KDSR: variants seen among roughly 807,000 people sequenced by gnomAD.
KDSR encodes 3-ketodihydrosphingosine reductase, also known as 3-dehydrosphinganine reductase.
A neutral mutation model predicts 41.3 loss-of-function variants in KDSR; 23 were observed. The observed-to-expected ratio is 0.56, with a 90% CI of 0.40 to 0.79. KDSR has a LOEUF of 0.79. Among genes scored for constraint, KDSR ranks in the 30% least tolerant of loss-of-function variants. The pLI, the probability that KDSR is intolerant of heterozygous loss-of-function variation, is 0.00. For missense variants in KDSR, 351 were observed against 416.8 expected (o/e 0.84, Z 1.37); for synonymous variants, 138 against 151.7 (o/e 0.91, Z 0.66).
chr18:63,333,325 A>G (rs1047609339), intron 9 of KDSR, among the ~76,000 whole-genome samples: 7 of 151,980 alleles, frequency 4.6e-5, no homozygotes, highest in African/African-American at 1.5e-4. Context: ...AGCTCAAGCG[A>G]TCCTCCTGAC....
intron 2 of KDSR, among the ~76,000 whole-genome samples, chr18:63,360,906 G>T (rs752923096): frequency 5.1e-4 from 76 of 148,018 alleles, no homozygotes; most frequent in Non-Finnish European, 9.9e-4. Flanking sequence ...TGTAAGCCCA[G>T]CACTTTGGGA....
At chr18:63,348,676 CTCTG>C (rs1173047058) in intron 6 of KDSR, among the ~76,000 whole-genome samples, 1 of 152,112 alleles carries the variant, frequency 6.6e-6, no homozygotes, top group Admixed American at 6.5e-5. Context: ...GGTTGGGGGG[CTCTG>C]TCTGTACCAG....
At chr18:63,347,495 CAAAAAAAAAAA>C (rs36023779) in intron 6 of KDSR, among the ~76,000 whole-genome samples, 6 of 56,984 alleles carry the variant, frequency 1.1e-4, no homozygotes, top group African/African-American at 5.6e-4. Flanking sequence ...GACTCCATCT[CAAAAAAAAAAA>C]AAAAAAAAAA....
Position 63,331,342 on chromosome 18 carries a change from G to C in KDSR, c.*440C>G, listed in dbSNP as rs964723946. ...ACAGAGAGACAGAGAGAGAGAGAGA[G>C]AGAACCCGAGAAACCGAAAATTGTT... On this transcript the variant is annotated 3_prime_UTR_variant, in exon 10 of 10. Transcript: ENST00000645214. 33 of 232,680 alleles carry C rather than the reference G, an allele frequency of 1.4e-4. No homozygotes were observed. The highest frequency in any genetic ancestry group is 7.1e-4 in the African/African-American group (32 of 45,156). 14.4% of individuals were successfully genotyped at this position (232,680 alleles called of 1,614,324 possible).
intron 6 of KDSR, among the ~76,000 whole-genome samples, chr18:63,349,960 C>T (rs1914615697): frequency 2.0e-5 from 3 of 152,124 alleles, no homozygotes; most frequent in East Asian, 1.9e-4. Flanking sequence ...TCTGTCAACC[C>T]CTGATCTAAA....
chr18:63,337,056 T>TTATATATATGTGACTTTATATA (rs1914180375), intron 8 of KDSR, among the ~76,000 whole-genome samples: 2 of 145,622 alleles, frequency 1.4e-5, no homozygotes, highest in African/African-American at 5.1e-5. Flanking sequence ...AAAAGTCACT[T>TTATATATATGTGACTTTATATA]TATATATATG....
intron 9 of KDSR, 61 bp downstream of exon 9, chr18:63,335,196 T>C: frequency 9.2e-7 from 1 of 1,086,080 alleles, no homozygotes; most frequent in Non-Finnish European, 1.4e-6. Flanking sequence ...CAAGGTTTGA[T>C]GAAAGGCAGT....
At chr18:63,357,374 AAACT>A (rs997567577) in intron 3 of KDSR, among the ~76,000 whole-genome samples, 1 of 151,960 alleles carries the variant, frequency 6.6e-6, no homozygotes, top group African/African-American at 2.4e-5. Flanking sequence ...AAAACAAAAC[AAACT>A]AACAAAAATA....
chr18:63,350,092 A>G (rs953011944), intron 6 of KDSR, among the ~76,000 whole-genome samples: 2 of 150,496 alleles, frequency 1.3e-5, no homozygotes, highest in African/African-American at 5.0e-5. Context: ...TCCCTTGCGG[A>G]TAAGAGGGGA....
chr18:63,364,095 T>C (rs1447858188), intron 1 of KDSR, among the ~76,000 whole-genome samples: 2 of 152,182 alleles, frequency 1.3e-5, no homozygotes, highest in Non-Finnish European at 2.9e-5. Context: ...TGGCACATCC[T>C]ACTTCCCTTG....
At chr18:63,338,747 A>G (rs1914256870) in intron 8 of KDSR, 53 bp downstream of exon 8, 1 of 1,150,820 alleles carries the variant, frequency 8.7e-7, no homozygotes, top group Non-Finnish European at 1.3e-6. Flanking sequence ...ATATCTTTTC[A>G]GAAATATAGT....
intron 5 of KDSR, among the ~76,000 whole-genome samples, chr18:63,353,691 G>A (rs926623628): frequency 1.3e-5 from 2 of 152,208 alleles, no homozygotes; most frequent in African/African-American, 2.4e-5. Context: ...ACATGTGGAT[G>A]AGCCTCAAAA....
chr18:63,364,125 C>T (rs1023859932), intron 1 of KDSR, among the ~76,000 whole-genome samples: 2 of 152,158 alleles, frequency 1.3e-5, no homozygotes, highest in African/African-American at 4.8e-5. Context: ...CTCTTCTCCC[C>T]ACTTCATCTG....
At chr18:63,342,577 A>C (rs1419303133) in intron 7 of KDSR, among the ~76,000 whole-genome samples, 1 of 152,228 alleles carries the variant, frequency 6.6e-6, no homozygotes, top group Non-Finnish European at 1.5e-5. Context: ...GCAAATGAAA[A>C]GGCAAGAAAG....
At chr18:63,365,803 T>C (rs1460336921) in intron 1 of KDSR, among the ~76,000 whole-genome samples, 1 of 151,806 alleles carries the variant, frequency 6.6e-6, no homozygotes, top group Non-Finnish European at 1.5e-5. Flanking sequence ...AAGTTTTGCC[T>C]TTCTCTTATT....
chr18:63,340,001 A>AGCC (rs1914298111), intron 7 of KDSR, among the ~76,000 whole-genome samples: 1 of 152,236 alleles, frequency 6.6e-6, no homozygotes, highest in African/African-American at 2.4e-5. Flanking sequence ...GTTTTGAAGG[A>AGCC]GCCACGATTC....
Position 63,355,508 on chromosome 18 carries a change from A to C in KDSR, c.311T>G (p.Val104Gly), listed in dbSNP as rs760044842. The change falls in exon 4 of 10, where the codon GTC becomes GGC. Residue 104 changes from valine to glycine, a missense_variant. Physicochemically the swap from Val to Gly is moderately radical, Grantham distance 109 (BLOSUM62 -3). Transcript: ENST00000645214. ...AGCCCAACCTCTTACTTGTTTTATGACATTCTCTACTTGGTTATAGTCTTG... is the reference window on the plus strand; with the variant it reads ...AGCCCAACCTCTTACTTGTTTTATGCCATTCTCTACTTGGTTATAGTCTTG... Reference protein sequence around the residue: ...VSQDYNQVENVIKQAQEKLGP... With the variant: ...VSQDYNQVENGIKQAQEKLGP... 5 of 1,612,326 alleles carry C rather than the reference A, an allele frequency of 3.1e-6. 1 individual carries two copies. In the Admixed American group the frequency reaches 8.4e-5, roughly 27 times the overall value.
intron 1 of KDSR, among the ~76,000 whole-genome samples, chr18:63,365,280 A>T (rs1200055743): frequency 1.3e-5 from 2 of 152,254 alleles, no homozygotes; most frequent in Admixed American, 6.5e-5. Context: ...AAATTGTTTT[A>T]AAAATGAAAC....
chr18:63,356,708 C>T (rs189095471), intron 3 of KDSR, among the ~76,000 whole-genome samples: 16 of 152,298 alleles, frequency 1.1e-4, no homozygotes, highest in Admixed American at 3.9e-4. Flanking sequence ...AAGCCCAGAG[C>T]GGAGACAGTG....
Sources: gnomAD v4.1 joint callset for allele counts (sites outside exome capture counted in the v4.1 genomes callset) on GRCh38, gnomAD v4.1.1 for gene constraint, MANE v1.5 for transcripts, NCBI Gene and HGNC (gene_info 2026-07-23, HGNC 2026-07-21) for gene names.